Variants in SLC38A11 observed in about 807,000 individuals in gnomAD.
SLC38A11 encodes solute carrier family 38 member 11.
Under a neutral mutation model 49.4 loss-of-function variants are expected in SLC38A11, and 51 were observed. The observed-to-expected ratio is 1.03, with a 90% CI of 0.83 to 1.30. The LOEUF is 1.30. SLC38A11 is among the 50% of genes most tolerant of loss of function. The pLI is 0.00. For synonymous variants in SLC38A11, 203 were observed against 192.9 expected (o/e 1.05, Z -0.43); for missense variants, 574 against 556.2 (o/e 1.03, Z -0.32).
intron 7 of SLC38A11, among the ~76,000 whole-genome samples, chr2:164,925,042 G>A (rs991875474): frequency 6.6e-6 from 1 of 152,144 alleles, no homozygotes; most frequent in Non-Finnish European, 1.5e-5. Flanking sequence ...CACTGTGCCC[G>A]GCCTGAAATA....
chr2:164,937,023 T>G (rs1687419148), intron 7 of SLC38A11, among the ~76,000 whole-genome samples: 1 of 152,214 alleles, frequency 6.6e-6, no homozygotes, highest in African/African-American at 2.4e-5. Context: ...TCTTATTCTT[T>G]TTATTTCAGT....
intron 3 of SLC38A11, among the ~76,000 whole-genome samples, chr2:164,947,984 C>T (rs2105514862): frequency 6.6e-6 from 1 of 152,302 alleles, no homozygotes; most frequent in South Asian, 2.1e-4. Flanking sequence ...AACATTCTCC[C>T]TCCACCAGGT....
At position 164,894,853 on chromosome 2, in the gene SLC38A11, G is replaced by A. The variant is rs1684358608; in HGVS notation, c.*3584C>T. On this transcript the variant is annotated 3_prime_UTR_variant, in exon 12 of 12. Transcript: ENST00000685975. Reference sequence around the variant, plus strand: ...AATTGCTCTCCCTCCTACATCTCCAGCCTCATTTTCTTCCCTGAGATCTAG... The same window carrying A: ...AATTGCTCTCCCTCCTACATCTCCAACCTCATTTTCTTCCCTGAGATCTAG... Among the ~76,000 whole-genome samples the A allele has an allele frequency of 6.6e-6, 1 of 152,016 alleles. No individual in the cohort carries two copies. Among genetic ancestry groups the A allele is most frequent in the Admixed American group, 6.6e-5 (1 of 15,238 alleles).
chr2:164,908,610 G>T, intron 11 of SLC38A11, 30 bp downstream of exon 11: 1 of 1,465,164 alleles, frequency 6.8e-7, no homozygotes, highest in Non-Finnish European at 9.1e-7. Flanking sequence ...GAATTTTAGA[G>T]TGAAGGGGTA....
intron 11 of SLC38A11, among the ~76,000 whole-genome samples, chr2:164,905,861 A>G (rs755917765): frequency 6.6e-5 from 10 of 152,184 alleles, no homozygotes; most frequent in Non-Finnish European, 1.5e-4. Flanking sequence ...TTGACTTTAA[A>G]ATAGATATTC....
At chr2:164,953,114 A>G (rs2105523809) in intron 2 of SLC38A11, 2 of 242,308 alleles carry the variant, frequency 8.3e-6, no homozygotes, top group South Asian at 5.6e-5. Flanking sequence ...CAATATGTGG[A>G]AAGTCATTAC....
intron 7 of SLC38A11, among the ~76,000 whole-genome samples, chr2:164,936,023 C>T (rs912065900): frequency 2.0e-5 from 3 of 152,132 alleles, no homozygotes; most frequent in Non-Finnish European, 4.4e-5. Context: ...CTTCCAGCCT[C>T]CAGAACTATG....
rs35471502 is a variant in SLC38A11, at chr2:164,945,255, C to CTT, written c.364+336_364+337dup. The stretch of plus-strand genomic sequence containing the variant: ...GTACACGGCTTCCACAAATCCTTTG[C>CTT]TTTTTTTTTTTTTTTTAAAGTATTA... On this transcript the variant is annotated intron_variant, in intron 4 of 11. Coordinates refer to ENST00000685975, the MANE Select transcript of SLC38A11 (RefSeq NM_001351537.2). Among the ~76,000 whole-genome samples, 364 of 138,638 alleles carry CTT rather than the reference C, an allele frequency of 2.6e-3. 1 individual carries two copies. The highest frequency in any genetic ancestry group is 7.7e-3 in the Middle Eastern group (2 of 260). 91.0% of individuals were successfully genotyped at this position (138,638 alleles called of 152,430 possible).
At chr2:164,936,015 T>TC (rs1687346593) in intron 7 of SLC38A11, among the ~76,000 whole-genome samples, 1 of 152,288 alleles carries the variant, frequency 6.6e-6, no homozygotes, top group African/African-American at 2.4e-5. Context: ...ATCTCTGACT[T>TC]CCAGCCTCCA....
rs562909459 is a variant in SLC38A11, at chr2:164,898,690, G to T, written c.1136C>A (p.Ser379Ter). ...TTCAGACAGTTTCAGATAACAGGCT[G>T]ATGGAATGATAAAAATGAGGGGAGT... is the stretch of plus-strand genomic sequence containing the variant. ...CATPLIFIIP[S>*]ACYLKLSEEP... Residue 379 changes from serine (S) to a stop codon, truncating the protein, a stop_gained, in exon 12 of 12, where the codon TCA becomes TAA. Coordinates refer to ENST00000685975, the MANE Select transcript of SLC38A11 (RefSeq NM_001351537.2). LOFTEE classifies it high-confidence loss of function. 42 of 1,613,252 alleles carry T rather than the reference G, an allele frequency of 2.6e-5. No homozygotes were observed. The highest frequency in any genetic ancestry group is 3.5e-5 in the Non-Finnish European group (41 of 1,179,606).
intron 1 of SLC38A11, 148 bp downstream of exon 1, chr2:164,955,061 G>T: frequency 3.3e-6 from 2 of 599,096 alleles, no homozygotes; most frequent in African/African-American, 2.0e-5. Flanking sequence ...AAAAAAAAAA[G>T]TCAGATTAAG....
At position 164,935,423 on chromosome 2, in the gene SLC38A11, C is replaced by A. The variant is rs1687296383; in HGVS notation, c.617+1927G>T. On this transcript the variant is annotated intron_variant, in intron 7 of 11. Transcript: ENST00000685975. ...GGTGGTTTACACCTGTTAATCCCAG[C>A]ACTTTGGGGTCTGAGGCAGGAGGAT... is the stretch of plus-strand genomic sequence containing the variant. 3.3e-5 allele frequency among the ~76,000 whole-genome samples: 5 copies of A among 150,254 alleles called. 1 individual carries two copies. The highest frequency in any genetic ancestry group is 7.4e-5 in the Non-Finnish European group (5 of 67,780).
At position 164,918,238 on chromosome 2, in the gene SLC38A11, T is replaced by C. The variant is rs1258243428; in HGVS notation, c.618-2265A>G. Reference sequence around the variant, plus strand: ...AAATCAAATGCCATCAAGCAATTTATAAGATAAGGAATTATGACTACGAAT... The same window carrying C: ...AAATCAAATGCCATCAAGCAATTTACAAGATAAGGAATTATGACTACGAAT... On this transcript the variant is annotated intron_variant, in intron 7 of 11. Coordinates refer to ENST00000685975, the MANE Select transcript of SLC38A11 (RefSeq NM_001351537.2). Among the ~76,000 whole-genome samples the C allele has an allele frequency of 2.0e-5, 3 of 152,118 alleles. No homozygotes were observed. In the East Asian group the frequency reaches 5.8e-4, roughly 29 times the overall value.
At chr2:164,934,586 C>T (rs894651203) in intron 7 of SLC38A11, among the ~76,000 whole-genome samples, 4 of 152,070 alleles carry the variant, frequency 2.6e-5, no homozygotes, top group Admixed American at 6.6e-5. Context: ...ACTGTTCTCC[C>T]GTGGTGCAAC....
At chr2:164,943,585 G>A (rs757161321) in intron 5 of SLC38A11, among the ~76,000 whole-genome samples, 15 of 152,190 alleles carry the variant, frequency 9.9e-5, no homozygotes, top group Non-Finnish European at 2.2e-4. Flanking sequence ...GGTTGGAAGA[G>A]GGAGCTGGAG....
In SLC38A11 at chr2:164,930,632, T is replaced by A. The variant is rs570211410; in HGVS notation, c.617+6718A>T. 1.8e-3 allele frequency among the ~76,000 whole-genome samples: 271 copies of A among 152,202 alleles called. 1 individual carries two copies. Among genetic ancestry groups the A allele is most frequent in the Non-Finnish European group, 3.3e-3 (223 of 68,014 alleles). ...AAATCAGTAAATGTGATTCATTGCATAAAAAGAACTAAAGACAAAAACGAT... is the reference window on the plus strand; with the variant it reads ...AAATCAGTAAATGTGATTCATTGCAAAAAAAGAACTAAAGACAAAAACGAT... On this transcript the variant is annotated intron_variant, in intron 7 of 11. Coordinates refer to ENST00000685975, the MANE Select transcript of SLC38A11 (RefSeq NM_001351537.2).
intron 5 of SLC38A11, among the ~76,000 whole-genome samples, chr2:164,944,201 T>A (rs1237907933): frequency 6.6e-6 from 1 of 152,208 alleles, no homozygotes; most frequent in Non-Finnish European, 1.5e-5. Context: ...ATTAAATTAT[T>A]CCTTAATACA....
At chr2:164,915,442 CCATT>C (rs1685714264) in intron 8 of SLC38A11, 169 bp from the exon 9 acceptor site, 1 of 598,738 alleles carries the variant, frequency 1.7e-6, no homozygotes, top group Non-Finnish European at 2.8e-6. Flanking sequence ...AGAAATGAGA[CCATT>C]CATTCACATC....
rs375407649 is a variant in SLC38A11 at position 164,898,648 on chromosome 2, G to A, written c.1178C>T (p.Ser393Phe). 28 of 1,613,406 alleles carry A rather than the reference G, an allele frequency of 1.7e-5. No individual in the cohort carries two copies. The African/African-American group carries it at 3.3e-4, about 19-fold the overall frequency. Reference sequence around the variant, plus strand: ...CATGACACAAGACATAATCTTATCGGAGTGTGTCCTTGGTTCTTCAGACAG... The same window carrying A: ...CATGACACAAGACATAATCTTATCGAAGTGTGTCCTTGGTTCTTCAGACAG... ...LKLSEEPRTH[S>F]DKIMSCVMLP... The change falls in exon 12 of 12, where the codon TCC (serine) becomes TTC (phenylalanine). Residue 393 changes from serine to phenylalanine, a missense_variant. Ser to Phe is a radical substitution (Grantham distance 155). Coordinates refer to ENST00000685975, the MANE Select transcript of SLC38A11 (RefSeq NM_001351537.2).
Sources: allele counts gnomAD v4.1 joint callset (sites outside exome capture counted in the v4.1 genomes callset), GRCh38; gene constraint gnomAD v4.1.1; transcripts MANE v1.5; gene names NCBI Gene and HGNC (gene_info 2026-07-23, HGNC 2026-07-21).